CTNNBL1: variants seen among roughly 807,000 people sequenced by gnomAD.
CTNNBL1 encodes catenin beta like 1.
CTNNBL1 carries 31 observed loss-of-function variants against 72.7 expected under a neutral mutation model. The ratio of observed to expected loss-of-function variants is 0.43; its 90% CI spans 0.32 to 0.58. CTNNBL1 has a LOEUF of 0.58. Ranked by LOEUF, CTNNBL1 falls within the 20% of genes least tolerant of loss-of-function variation. The pLI is 0.08. For missense variants in CTNNBL1, 534 were observed against 725.1 expected, an observed-to-expected ratio of 0.74 and a Z score of 3.03; for synonymous variants, 240 against 267.3, an observed-to-expected ratio of 0.90 and a Z score of 1.00.
At chr20:37,796,047 A>G (rs530234860) in intron 10 of CTNNBL1, among the ~76,000 whole-genome samples, 3 of 152,300 alleles carry the variant, frequency 2.0e-5, no homozygotes, top group African/African-American at 4.8e-5. Context: ...TCTATGGCTA[A>G]TAATGCCTCG....
At chr20:37,851,628 TTC>T (rs1180139481) in intron 13 of CTNNBL1, among the ~76,000 whole-genome samples, 2 of 152,224 alleles carry the variant, frequency 1.3e-5, no homozygotes, top group Non-Finnish European at 2.9e-5. Context: ...CCTGTTTCTG[TTC>T]TGTTTCCTGT....
At chr20:37,727,979 T>G (rs2073098858) in intron 1 of CTNNBL1, among the ~76,000 whole-genome samples, 1 of 152,266 alleles carries the variant, frequency 6.6e-6, no homozygotes, top group Non-Finnish European at 1.5e-5. Context: ...TTGAGTTAGC[T>G]TCATAATTTT....
chr20:37,708,019 G>A (rs563158218), intron 1 of CTNNBL1, among the ~76,000 whole-genome samples: 71 of 152,278 alleles, frequency 4.7e-4, no homozygotes, highest in African/African-American at 1.6e-3. Flanking sequence ...TCACGTGGGC[G>A]TGTTTGTAGT....
chr20:37,788,238 CA>C (rs1424075963), intron 10 of CTNNBL1, among the ~76,000 whole-genome samples: 3 of 152,166 alleles, frequency 2.0e-5, no homozygotes, highest in African/African-American at 7.2e-5. Flanking sequence ...GCTGTGTCTT[CA>C]ATTGTACTGT....
At chr20:37,825,535 C>T (rs971400360) in intron 11 of CTNNBL1, among the ~76,000 whole-genome samples, 9 of 152,016 alleles carry the variant, frequency 5.9e-5, no homozygotes, top group Non-Finnish European at 1.0e-4. Flanking sequence ...ATTAGCTGGG[C>T]GTGGTGGTGG....
At chr20:37,737,202 C>T (rs915782497) in intron 2 of CTNNBL1, among the ~76,000 whole-genome samples, 176 bp from the exon 3 acceptor site, 9 of 152,006 alleles carry the variant, frequency 5.9e-5, no homozygotes, top group African/African-American at 1.4e-4. Context: ...CCAGCCTGGG[C>T]GACAGAGCAA....
intron 4 of CTNNBL1, chr20:37,749,853 A>G (rs1186211390): frequency 6.6e-6 from 1 of 152,022 alleles, no homozygotes; most frequent in Admixed American, 6.6e-5. Flanking sequence ...TATAATAGAA[A>G]TTTTTCTTCA....
At chr20:37,859,121 T>C (rs1197455303) in intron 13 of CTNNBL1, among the ~76,000 whole-genome samples, 2 of 152,088 alleles carry the variant, frequency 1.3e-5, no homozygotes, top group African/African-American at 4.8e-5. Context: ...ACACCTGTAA[T>C]CCTAGCACTT....
rs549932319 is a variant in CTNNBL1, at chr20:37,856,664, C to G, written c.1393-3235C>G. Among the ~76,000 whole-genome samples the G allele has an allele frequency of 8.5e-5, 13 of 152,104 alleles. No homozygotes were observed. The South Asian group carries it at 2.3e-3, about 27-fold the overall frequency. The stretch of plus-strand genomic sequence containing the variant: ...CCTCTAAGGTGCTCCATTCTGCTGT[C>G]TCTGCCCATCACTCGCCCTGAAACC... On this transcript the variant is annotated intron_variant, in intron 13 of 15. Coordinates refer to ENST00000361383, the MANE Select transcript of CTNNBL1 (RefSeq NM_030877.5).
chr20:37,737,724 C>T (rs1261144245), intron 3 of CTNNBL1, among the ~76,000 whole-genome samples: 2 of 152,194 alleles, frequency 1.3e-5, no homozygotes, highest in African/African-American at 4.8e-5. Flanking sequence ...CAGGTGGCAT[C>T]TGGAGAAATT....
At chr20:37,802,394 A>C (rs2073830467) in intron 10 of CTNNBL1, among the ~76,000 whole-genome samples, 1 of 152,220 alleles carries the variant, frequency 6.6e-6, no homozygotes, top group African/African-American at 2.4e-5. Flanking sequence ...GTTTCTTCTC[A>C]GGGCAATGAA....
chr20:37,726,675 A>G (rs1465869157), intron 1 of CTNNBL1, among the ~76,000 whole-genome samples: 1 of 152,156 alleles, frequency 6.6e-6, no homozygotes, highest in South Asian at 2.1e-4. Context: ...GGTTTATTAC[A>G]ATGTTTAGAA....
chr20:37,815,296 A>G (rs2072046301), intron 11 of CTNNBL1, among the ~76,000 whole-genome samples: 1 of 150,250 alleles, frequency 6.7e-6, no homozygotes, highest in Non-Finnish European at 1.5e-5. Context: ...CTGGGCTTAG[A>G]TGGTGACATT....
At chr20:37,822,201 C>T (rs1347281064) in intron 11 of CTNNBL1, among the ~76,000 whole-genome samples, 1 of 152,188 alleles carries the variant, frequency 6.6e-6, no homozygotes, top group African/African-American at 2.4e-5. Flanking sequence ...TCAGAGGCTG[C>T]CTAGGAGCAG....
chr20:37,695,289 C>G (rs1316808481), intron 1 of CTNNBL1, among the ~76,000 whole-genome samples: 2 of 152,138 alleles, frequency 1.3e-5, no homozygotes, highest in Admixed American at 1.3e-4. Context: ...CTCACAGTAG[C>G]CTTAAACTCC....
chr20:37,828,832 G>A (rs1165886696), intron 11 of CTNNBL1, among the ~76,000 whole-genome samples: 3 of 152,274 alleles, frequency 2.0e-5, no homozygotes, highest in Middle Eastern at 3.4e-3. Flanking sequence ...GCACACATGC[G>A]TGACTCTTCT....
intron 10 of CTNNBL1, among the ~76,000 whole-genome samples, chr20:37,784,350 C>T (rs867315363): frequency 9.9e-5 from 15 of 152,076 alleles, no homozygotes; most frequent in Middle Eastern, 3.4e-3. Context: ...ATTTATATTC[C>T]ATATTATTAT....
At chr20:37,750,887 C>A (rs2073313582) in intron 4 of CTNNBL1, 1 of 152,260 alleles carries the variant, frequency 6.6e-6, no homozygotes, top group African/African-American at 2.4e-5. Context: ...TGGAAAGTGC[C>A]TTGGGAACAG....
At chr20:37,786,922 G>A (rs972163742) in intron 10 of CTNNBL1, among the ~76,000 whole-genome samples, 1 of 152,006 alleles carries the variant, frequency 6.6e-6, no homozygotes, top group Non-Finnish European at 1.5e-5. Flanking sequence ...CTTATACTTG[G>A]GTAGTTTTTA....
Sources: allele counts gnomAD v4.1 joint callset (sites outside exome capture counted in the v4.1 genomes callset), GRCh38; gene constraint gnomAD v4.1.1; transcripts MANE v1.5; gene names NCBI Gene and HGNC (gene_info 2026-07-23, HGNC 2026-07-21).